EIF4G3: variants seen among roughly 807,000 people sequenced by gnomAD.
EIF4G3 encodes eIF-4-gamma 3.
Under a neutral mutation model 186.4 loss-of-function variants are expected in EIF4G3, and 34 were observed. That is an observed-to-expected ratio of 0.18 (90% CI 0.14 to 0.24). The LOEUF (loss-of-function observed/expected upper bound fraction) is 0.24. Among genes scored for constraint, EIF4G3 ranks in the 10% least tolerant of loss-of-function variants. The pLI is 1.00. For missense variants in EIF4G3, 1,536 were observed against 1,948.5 expected (o/e 0.79, Z 3.99); for synonymous variants, 673 against 679.5 (o/e 0.99, Z 0.15).
chr1:20,866,901 A>G (rs1167864571), intron 20 of EIF4G3, among the ~76,000 whole-genome samples: 1 of 152,228 alleles, frequency 6.6e-6, no homozygotes, highest in Non-Finnish European at 1.5e-5. Flanking sequence ...CATTAAGTGT[A>G]TAACTGACTG....
intron 12 of EIF4G3, 62 bp downstream of exon 12, chr1:20,969,412 G>A: frequency 6.3e-7 from 1 of 1,582,462 alleles, no homozygotes; most frequent in South Asian, 1.1e-5. Context: ...ATAGAAGAAA[G>A]AAGAGTTCAG....
intron 13 of EIF4G3, among the ~76,000 whole-genome samples, chr1:20,948,838 G>A (rs371896662): frequency 8.6e-5 from 13 of 151,324 alleles, no homozygotes; most frequent in South Asian, 4.2e-4. Flanking sequence ...GTGAAACCCC[G>A]TCTATACTAA....
chr1:21,074,994 C>G lies in EIF4G3; in HGVS notation c.-196+14144G>C, dbSNP rs561444385. On this transcript the variant is annotated intron_variant, in intron 3 of 36. Coordinates refer to ENST00000602326, the MANE Select transcript of EIF4G3 (RefSeq NM_001391906.1). ...CATGAAAACATGGGAAAGTATAAAA[C>G]TCACTGATAGATCAGATACACAAAG... Among the ~76,000 whole-genome samples, 4 of 152,080 alleles carry G rather than the reference C, an allele frequency of 2.6e-5. No individual in the cohort carries two copies. The East Asian group carries it at 7.8e-4, about 29-fold the overall frequency.
chr1:21,081,659 T>TC (rs1237024493), intron 3 of EIF4G3, among the ~76,000 whole-genome samples: 6 of 149,136 alleles, frequency 4.0e-5, no homozygotes, highest in Non-Finnish European at 7.5e-5. Context: ...TTTTTTTTTT[T>TC]TGAAACAGAG....
intron 14 of EIF4G3, among the ~76,000 whole-genome samples, chr1:20,930,568 T>A (rs890329276): frequency 6.6e-6 from 1 of 152,140 alleles, no homozygotes; most frequent in Non-Finnish European, 1.5e-5. Flanking sequence ...TTTAGTTCTA[T>A]GTTTTTGTTT....
intron 14 of EIF4G3, among the ~76,000 whole-genome samples, chr1:20,924,781 C>T (rs1465069754): frequency 3.3e-5 from 5 of 152,182 alleles, no homozygotes; most frequent in South Asian, 2.1e-4. Flanking sequence ...AGGCTGGTCT[C>T]GAACTCCTGA....
At chr1:20,955,238 G>GT (rs11449027) in intron 12 of EIF4G3, among the ~76,000 whole-genome samples, 77,754 of 148,338 alleles carry the variant, frequency 0.52, 20,837 homozygotes, top group East Asian at 0.76. Context: ...TTATTTTTTA[G>GT]TTTTTTTTTT....
intron 2 of EIF4G3, among the ~76,000 whole-genome samples, chr1:21,138,462 T>C (rs904005235): frequency 5.9e-5 from 9 of 151,276 alleles, no homozygotes; most frequent in Non-Finnish European, 1.0e-4. Flanking sequence ...ACCAAGGAGG[T>C]TGTACATGTC....
chr1:21,129,725 C>G (rs894675456), intron 2 of EIF4G3, among the ~76,000 whole-genome samples: 1 of 152,030 alleles, frequency 6.6e-6, no homozygotes, highest in African/African-American at 2.4e-5. Flanking sequence ...AACAACCCCC[C>G]ACCCCAATTC....
At chr1:21,019,599 T>C (rs554409230) in intron 4 of EIF4G3, among the ~76,000 whole-genome samples, 21 of 152,352 alleles carry the variant, frequency 1.4e-4, no homozygotes, top group African/African-American at 4.8e-4. Flanking sequence ...ACATATTTTC[T>C]CATCTCATAG....
intron 14 of EIF4G3, among the ~76,000 whole-genome samples, chr1:20,917,685 C>T (rs1001377867): frequency 2.6e-5 from 4 of 151,968 alleles, no homozygotes; most frequent in African/African-American, 7.3e-5. Flanking sequence ...GTGATAAATA[C>T]GATTATAGTT....
At position 21,106,714 on chromosome 1, in the gene EIF4G3, T is replaced by C. The variant is rs559775221; in HGVS notation, c.-271-17501A>G. 3.9e-5 allele frequency among the ~76,000 whole-genome samples: 6 copies of C among 152,054 alleles called. No homozygotes were observed. The East Asian group carries it at 1.2e-3, about 29-fold the overall frequency. ...GAAAGTAATGAACATAAAAATAGCATTTAATGCCAAAAAAAATTAAAAAAT... is the reference window on the plus strand; with the variant it reads ...GAAAGTAATGAACATAAAAATAGCACTTAATGCCAAAAAAAATTAAAAAAT... On this transcript the variant is annotated intron_variant, in intron 2 of 36. Transcript: ENST00000602326.
intron 4 of EIF4G3, among the ~76,000 whole-genome samples, chr1:21,050,596 A>G (rs1388036081): frequency 6.6e-6 from 1 of 152,230 alleles, no homozygotes; most frequent in Non-Finnish European, 1.5e-5. Context: ...GTTTTCCAGT[A>G]AACTTTAGAA....
At chr1:20,950,748 T>C (rs773275179) in intron 12 of EIF4G3, among the ~76,000 whole-genome samples, 3 of 152,096 alleles carry the variant, frequency 2.0e-5, no homozygotes, top group Non-Finnish European at 4.4e-5. Flanking sequence ...TTTTCAGAGA[T>C]ATAAGGAAAC....
In EIF4G3 at chr1:21,176,744, G is replaced by C. The variant is rs1348811466; in HGVS notation, c.-478C>G. 1.3e-5 allele frequency: 9 copies of C among 698,328 alleles called. No individual in the cohort carries two copies. In the Admixed American group the frequency reaches 1.4e-4, roughly 11 times the overall value. 43.3% of individuals were successfully genotyped at this position (698,328 alleles called of 1,614,324 possible). On this transcript the variant is annotated 5_prime_UTR_variant, in exon 1 of 37. Coordinates refer to ENST00000602326, the MANE Select transcript of EIF4G3 (RefSeq NM_001391906.1). ...GACCTTTCACGGCAATATCCTCATGGGCCGGCGGCGGGGGATCTTTATCCC... is the reference window on the plus strand; with the variant it reads ...GACCTTTCACGGCAATATCCTCATGCGCCGGCGGCGGGGGATCTTTATCCC...
intron 1 of EIF4G3, 46 bp downstream of exon 1, chr1:21,176,674 CAG>C (rs1491508327): frequency 3.0e-5 from 17 of 567,834 alleles, no homozygotes; most frequent in Non-Finnish European, 5.1e-5. Context: ...AACGCGACCC[CAG>C]GGGGGGGGCC....
intron 3 of EIF4G3, among the ~76,000 whole-genome samples, chr1:21,055,412 G>A (rs1250601558): frequency 6.6e-6 from 1 of 151,994 alleles, no homozygotes; most frequent in Non-Finnish European, 1.5e-5. Flanking sequence ...TTAAATCATA[G>A]TAAATTTTTA....
At chr1:20,910,305 G>C (rs1472029359) in intron 14 of EIF4G3, among the ~76,000 whole-genome samples, 1 of 152,072 alleles carries the variant, frequency 6.6e-6, no homozygotes, top group East Asian at 1.9e-4. Context: ...AACCTTCTTG[G>C]CTGGGCATGG....
intron 3 of EIF4G3, among the ~76,000 whole-genome samples, chr1:21,071,968 A>G (rs1406321963): frequency 3.9e-5 from 6 of 152,232 alleles, no homozygotes; most frequent in Admixed American, 3.3e-4. Flanking sequence ...CAACACTATT[A>G]AAATTATATT....
Sources: gnomAD v4.1 joint callset for allele counts (sites outside exome capture counted in the v4.1 genomes callset) on GRCh38, gnomAD v4.1.1 for gene constraint, MANE v1.5 for transcripts, NCBI Gene and HGNC (gene_info 2026-07-23, HGNC 2026-07-21) for gene names.